Variants in THSD7B observed in about 807,000 individuals in gnomAD.
The protein encoded by THSD7B is thrombospondin type 1 domain containing 7B, also known as thrombospondin type-1 domain-containing protein 7B.
Under a neutral mutation model 213.6 loss-of-function variants are expected in THSD7B, and 138 were observed. The ratio of observed to expected loss-of-function variants is 0.65; its 90% CI spans 0.56 to 0.74. THSD7B has a LOEUF of 0.74. THSD7B is among the 30% of genes least tolerant of loss of function. The probability of loss-of-function intolerance (pLI) is 0.00; values close to 1 mark genes in which losing one functional copy is unlikely to be tolerated. For synonymous variants in THSD7B, 742 were observed against 687.0 expected (o/e 1.08, Z -1.25); for missense variants, 1,931 against 1,991.5 (o/e 0.97, Z 0.58).
At chr2:136,955,859 T>G (rs1685114896) in intron 2 of THSD7B, among the ~76,000 whole-genome samples, 1 of 151,954 alleles carries the variant, frequency 6.6e-6, no homozygotes, top group South Asian at 2.1e-4. Flanking sequence ...TTCACCATCT[T>G]AGCTGGATGG....
At chr2:137,576,165 G>A (rs1681456522) in intron 17 of THSD7B, among the ~76,000 whole-genome samples, 1 of 152,050 alleles carries the variant, frequency 6.6e-6, no homozygotes, top group African/African-American at 2.4e-5. Flanking sequence ...ATTTTCCATT[G>A]AGTAACACAG....
At chr2:137,361,534 T>C (rs944088630) in intron 12 of THSD7B, among the ~76,000 whole-genome samples, 3 of 152,094 alleles carry the variant, frequency 2.0e-5, no homozygotes, top group Non-Finnish European at 4.4e-5. Flanking sequence ...AGAGAAGACG[T>C]TAAATGACCT....
intron 7 of THSD7B, among the ~76,000 whole-genome samples, chr2:137,203,774 T>C (rs1371591697): frequency 1.3e-5 from 2 of 152,060 alleles, no homozygotes; most frequent in African/African-American, 4.8e-5. Flanking sequence ...TAGAATATTA[T>C]GCAGTGTATT....
intron 12 of THSD7B, among the ~76,000 whole-genome samples, chr2:137,293,144 C>CTT (rs57223493): frequency 1.2e-3 from 169 of 146,896 alleles, no homozygotes; most frequent in African/African-American, 3.9e-3. Flanking sequence ...GACAGATAGT[C>CTT]TTTTTTTTTT....
chr2:137,252,819 C>G (rs903014063), intron 10 of THSD7B, among the ~76,000 whole-genome samples: 10 of 152,038 alleles, frequency 6.6e-5, no homozygotes, highest in African/African-American at 2.2e-4. Flanking sequence ...GAATTCAGAA[C>G]CTGGCTCATC....
At chr2:137,210,044 TAGAG>T (rs142229514) in intron 7 of THSD7B, among the ~76,000 whole-genome samples, 2 of 152,058 alleles carry the variant, frequency 1.3e-5, no homozygotes, top group Admixed American at 1.3e-4. Flanking sequence ...CTGCAAGCCA[TAGAG>T]AGAGACCTTA....
intron 5 of THSD7B, among the ~76,000 whole-genome samples, chr2:137,118,763 G>A (rs1835804): frequency 0.48 from 73,535 of 151,894 alleles, 19,397 homozygotes; most frequent in Non-Finnish European, 0.58. Flanking sequence ...GTCCATTTCC[G>A]TGCCGCTGAT....
In THSD7B at chr2:137,233,099, G is replaced by A. The variant is rs997758799; in HGVS notation, c.2116G>A (p.Val706Ile). 6 of 1,613,692 alleles carry A rather than the reference G, an allele frequency of 3.7e-6. No homozygotes were observed. Among genetic ancestry groups the A allele is most frequent in the Non-Finnish European group, 5.1e-6 (6 of 1,179,788 alleles). ...VGIQTRRVFC[V>I]KSHVGQVMTK... ...CATTCAGACTCGGAGAGTCTTCTGT[G>A]TCAAGAGTCACGTGGGACAAGTAAT... Residue 706 changes from valine (V) to isoleucine (I), a missense_variant, in exon 9 of 28, where the codon GTC becomes ATC. Physicochemically the swap from Val to Ile is conservative, Grantham distance 29 (BLOSUM62 3). Coordinates refer to ENST00000409968, the MANE Select transcript of THSD7B (RefSeq NM_001316349.2).
intron 7 of THSD7B, among the ~76,000 whole-genome samples, chr2:137,200,632 A>T (rs1680856341): frequency 6.6e-6 from 1 of 152,050 alleles, no homozygotes; most frequent in Admixed American, 6.6e-5. Flanking sequence ...CCAGTCACAC[A>T]TATGGTCCAT....
At chr2:137,529,287 A>T (rs1174554320) in intron 15 of THSD7B, among the ~76,000 whole-genome samples, 1 of 152,116 alleles carries the variant, frequency 6.6e-6, no homozygotes, top group East Asian at 1.9e-4. Flanking sequence ...GAATGAAAGA[A>T]TGAATGATTC....
At position 136,880,440 on chromosome 2, in the gene THSD7B, G is replaced by A. The variant is rs115709222; in HGVS notation, c.-35-1704G>A. On this transcript the variant is annotated intron_variant, in intron 1 of 27. Coordinates refer to ENST00000409968, the MANE Select transcript of THSD7B (RefSeq NM_001316349.2). ...TTATTTTTCATAATACATATATTGC[G>A]GTAAGTTATTTTAGATCTCCTTCAC... 5.3e-4 allele frequency among the ~76,000 whole-genome samples: 81 copies of A among 152,008 alleles called. No individual in the cohort carries two copies. In the South Asian group the frequency reaches 7.7e-3, roughly 14 times the overall value.
At chr2:137,457,727 G>A (rs1283452045) in intron 15 of THSD7B, among the ~76,000 whole-genome samples, 1 of 152,130 alleles carries the variant, frequency 6.6e-6, no homozygotes, top group African/African-American at 2.4e-5. Context: ...AGAGTGAAAA[G>A]CTCTCCCCTC....
chr2:137,304,268 A>G (rs1380941775), intron 12 of THSD7B, among the ~76,000 whole-genome samples: 1 of 152,162 alleles, frequency 6.6e-6, no homozygotes, highest in Non-Finnish European at 1.5e-5. Flanking sequence ...TCTAAACACC[A>G]AGCTAAACCT....
intron 1 of THSD7B, among the ~76,000 whole-genome samples, chr2:136,836,819 T>C (rs2104952051): frequency 6.6e-6 from 1 of 152,306 alleles, no homozygotes; most frequent in Non-Finnish European, 1.5e-5. Context: ...ATCTCAAAAC[T>C]AACACACCTA....
chr2:136,865,791 C>A (rs1227434912), intron 1 of THSD7B, among the ~76,000 whole-genome samples: 1 of 152,192 alleles, frequency 6.6e-6, no homozygotes, highest in Admixed American at 6.5e-5. Context: ...CTCATAAGTT[C>A]ATTGATCCTC....
intron 9 of THSD7B, among the ~76,000 whole-genome samples, chr2:137,236,752 G>A (rs1364341125): frequency 1.3e-5 from 2 of 152,126 alleles, no homozygotes; most frequent in African/African-American, 4.8e-5. Flanking sequence ...TAATTATGGA[G>A]GTGTAGCTAA....
At chr2:137,270,455 T>C (rs925459471) in intron 10 of THSD7B, among the ~76,000 whole-genome samples, 4 of 152,176 alleles carry the variant, frequency 2.6e-5, no homozygotes, top group African/African-American at 9.7e-5. Flanking sequence ...TCTGAGGATC[T>C]CATTCAAAAT....
intron 3 of THSD7B, among the ~76,000 whole-genome samples, chr2:137,072,148 T>C (rs949732705): frequency 1.3e-5 from 2 of 152,196 alleles, no homozygotes; most frequent in African/African-American, 4.8e-5. Context: ...GTGAAGAAAG[T>C]CATTGGTAGC....
chr2:137,592,364 T>C (rs1170870558), intron 17 of THSD7B, among the ~76,000 whole-genome samples: 1 of 151,584 alleles, frequency 6.6e-6, no homozygotes, highest in Admixed American at 6.6e-5. Flanking sequence ...AATCATATAT[T>C]ATTTGTAAAT....
Sources: allele counts gnomAD v4.1 joint callset (sites outside exome capture counted in the v4.1 genomes callset), GRCh38; gene constraint gnomAD v4.1.1; transcripts MANE v1.5; gene names NCBI Gene and HGNC (gene_info 2026-07-23, HGNC 2026-07-21).